The following ZFAT variants were observed in gnomAD, a reference collection of about 807,000 sequenced individuals.
ZFAT encodes the protein zinc finger and AT-hook domain containing, also known as zinc finger protein ZFAT.
ZFAT carries 64 observed loss-of-function variants against 117.7 expected under a neutral mutation model. The observed-to-expected ratio is 0.54, with a 90% CI of 0.44 to 0.67. ZFAT has a LOEUF of 0.67. ZFAT is among the 30% of genes least tolerant of loss of function. The pLI is 0.00. For synonymous variants in ZFAT, 679 were observed against 615.0 expected, an observed-to-expected ratio of 1.10 and a Z score of -1.54; for missense variants, 1,433 against 1,584.5, an observed-to-expected ratio of 0.90 and a Z score of 1.62.
In ZFAT at chr8:134,700,611, C is replaced by T. The variant is rs185250455; in HGVS notation, c.19+12234G>A. 4.2e-3 allele frequency among the ~76,000 whole-genome samples: 644 copies of T among 152,370 alleles called. 5 individuals are homozygous for T. The highest frequency in any genetic ancestry group is 0.015 in the African/African-American group (611 of 41,586). ...TGGAAGTTCACTGTCGGACTCCGGG[C>T]TGTGATTACCCCACCTCAGAGGAGC... is the stretch of plus-strand genomic sequence containing the variant. On this transcript the variant is annotated intron_variant, in intron 1 of 15. Transcript: ENST00000377838.
chr8:134,637,386 C>A, intron 3 of ZFAT, 75 bp downstream of exon 3: 2 of 1,532,800 alleles, frequency 1.3e-6, no homozygotes, highest in Non-Finnish European at 1.8e-6. Flanking sequence ...TAAAAACTGA[C>A]CCAGTGAAAC....
chr8:134,494,428 C>T (rs1198402417), intron 15 of ZFAT, among the ~76,000 whole-genome samples: 2 of 152,144 alleles, frequency 1.3e-5, no homozygotes, highest in Non-Finnish European at 2.9e-5. Flanking sequence ...TTTAGTGGGC[C>T]ATCTCGAGGA....
In ZFAT at chr8:134,685,082, C is replaced by G. The variant is rs539481930; in HGVS notation, c.20-27345G>C. Among the ~76,000 whole-genome samples, 11 of 152,316 alleles carry G rather than the reference C, an allele frequency of 7.2e-5. No homozygotes were observed. In the East Asian group the frequency reaches 1.7e-3, roughly 24 times the overall value. ...TTTACGCTGCCTCCTGTTGGTCACACAGACGTTCCTATTAGTGACCACACT... is the reference window on the plus strand; with the variant it reads ...TTTACGCTGCCTCCTGTTGGTCACAGAGACGTTCCTATTAGTGACCACACT... On this transcript the variant is annotated intron_variant, in intron 1 of 15. Coordinates refer to ENST00000377838, the MANE Select transcript of ZFAT (RefSeq NM_020863.4).
chr8:134,583,738 C>A, intron 10 of ZFAT, 94 bp downstream of exon 10: 2 of 1,469,998 alleles, frequency 1.4e-6, no homozygotes, highest in African/African-American at 2.8e-5. Context: ...AGTGCTCTTT[C>A]CTGCCTCTGG....
intron 11 of ZFAT, among the ~76,000 whole-genome samples, chr8:134,555,589 T>A (rs1315292045): frequency 1.3e-5 from 2 of 152,000 alleles, no homozygotes; most frequent in African/African-American, 4.8e-5. Context: ...TTTTTTCACA[T>A]ATAATGTCTG....
intron 1 of ZFAT, among the ~76,000 whole-genome samples, chr8:134,684,663 T>C (rs2131309122): frequency 6.6e-6 from 1 of 152,268 alleles, no homozygotes; most frequent in East Asian, 1.9e-4. Context: ...GTTTGATTGA[T>C]AAAATGACCC....
At chr8:134,802,345 A>C in the ZFAT span, among the ~76,000 whole-genome samples, 3 of 152,226 alleles carry the variant, frequency 2.0e-5, no homozygotes, top group Admixed American at 6.5e-5. Flanking sequence ...GATCCAATGA[A>C]TAAAGCTGTA....
At chr8:134,709,848 G>C (rs1813923384) in intron 1 of ZFAT, among the ~76,000 whole-genome samples, 2 of 152,178 alleles carry the variant, frequency 1.3e-5, no homozygotes, top group Non-Finnish European at 2.9e-5. Context: ...AGGGAGCACT[G>C]CGGTAAGACG....
chr8:134,631,434 G>C (rs954142990), intron 3 of ZFAT, among the ~76,000 whole-genome samples: 1 of 152,180 alleles, frequency 6.6e-6, no homozygotes, highest in African/African-American at 2.4e-5. Context: ...GGAGTCGGGA[G>C]ACACGGGCCC....
chr8:134,647,170 C>A (rs1459322330), intron 2 of ZFAT, among the ~76,000 whole-genome samples: 3 of 152,010 alleles, frequency 2.0e-5, no homozygotes, highest in Non-Finnish European at 4.4e-5. Context: ...AAATTACACG[C>A]CATGATAACG....
chr8:134,577,836 A>G (rs970243053), intron 10 of ZFAT, among the ~76,000 whole-genome samples: 18 of 152,322 alleles, frequency 1.2e-4, no homozygotes, highest in Admixed American at 1.0e-3. Flanking sequence ...TTCCAGTAAC[A>G]GAGACAAAAA....
intron 1 of ZFAT, among the ~76,000 whole-genome samples, chr8:134,665,545 G>A (rs1832170514): frequency 6.6e-6 from 1 of 152,220 alleles, no homozygotes; most frequent in Non-Finnish European, 1.5e-5. Flanking sequence ...GGGTCCCCCA[G>A]CCCTTACACT....
chr8:134,665,356 C>A (rs1302422241), intron 1 of ZFAT, among the ~76,000 whole-genome samples: 2 of 152,164 alleles, frequency 1.3e-5, no homozygotes, highest in Admixed American at 1.3e-4. Flanking sequence ...TCAGTTGGGC[C>A]TTGAGCTGGA....
At chr8:134,705,381 T>TTG (rs1002741751) in intron 1 of ZFAT, among the ~76,000 whole-genome samples, 14 of 149,408 alleles carry the variant, frequency 9.4e-5, no homozygotes, top group Non-Finnish European at 1.9e-4. Flanking sequence ...TTTTTTGTTT[T>TTG]TTTTTTTTTG....
At chr8:134,773,995 T>G in the ZFAT span, among the ~76,000 whole-genome samples, 7 of 138,862 alleles carry the variant, frequency 5.0e-5, no homozygotes, top group African/African-American at 1.9e-4. Flanking sequence ...TTTTTTTTTT[T>G]TTTTTTTTTT....
chr8:134,609,313 C>A (rs1312468566), intron 4 of ZFAT, among the ~76,000 whole-genome samples: 1 of 152,086 alleles, frequency 6.6e-6, no homozygotes, highest in Non-Finnish European at 1.5e-5. Context: ...ATACTTTTCA[C>A]CCTTGCTTAA....
chr8:134,826,968 A>G, the ZFAT span, among the ~76,000 whole-genome samples: 1 of 152,236 alleles, frequency 6.6e-6, no homozygotes, highest in South Asian at 2.1e-4. Context: ...TGTAATAGTG[A>G]AAGAAAACCC....
intron 12 of ZFAT, 116 bp from the exon 13 acceptor site, chr8:134,521,117 C>T: frequency 4.5e-6 from 3 of 660,510 alleles, no homozygotes; most frequent in Non-Finnish European, 7.6e-6. Context: ...GTCTCCAGCA[C>T]TTGTATTCAA....
the ZFAT span, among the ~76,000 whole-genome samples, chr8:134,819,942 G>A: frequency 1.3e-5 from 2 of 152,042 alleles, no homozygotes; most frequent in East Asian, 3.9e-4. Context: ...AGAGTGAGAA[G>A]CACACATAGA....
Sources: gnomAD v4.1 joint callset for allele counts (sites outside exome capture counted in the v4.1 genomes callset) on GRCh38, gnomAD v4.1.1 for gene constraint, MANE v1.5 for transcripts, NCBI Gene and HGNC (gene_info 2026-07-23, HGNC 2026-07-21) for gene names.